Variants in PHACTR4 observed in about 807,000 individuals in gnomAD.
The protein encoded by PHACTR4 is phosphatase and actin regulator 4.
Under a neutral mutation model 72.7 loss-of-function variants are expected in PHACTR4, and 51 were observed. The observed-to-expected ratio is 0.70, with a 90% CI of 0.56 to 0.89. The LOEUF (loss-of-function observed/expected upper bound fraction) is 0.89. Ranked by LOEUF, PHACTR4 falls within the 40% of genes least tolerant of loss-of-function variation. The pLI is 0.00. For synonymous variants in PHACTR4, 255 were observed against 302.5 expected, an observed-to-expected ratio of 0.84 and a Z score of 1.63; for missense variants, 731 against 861.8, an observed-to-expected ratio of 0.85 and a Z score of 1.90.
rs747565007 is a variant in PHACTR4 at position 28,493,100 on chromosome 1, C to CA, written c.2093+13dup. 1 of 1,605,184 alleles carries CA rather than the reference C, an allele frequency of 6.2e-7. No homozygotes were observed. The highest frequency in any genetic ancestry group is 1.1e-5 in the South Asian group (1 of 90,876). On this transcript the variant is annotated intron_variant, in intron 13 of 13. Transcript: ENST00000373839. ...AGCAAACATTTTACACGGTAAGACC[C>CA]AAAAGACCCAATCATATATGTGCTA...
At chr1:28,438,497 G>T in intron 2 of PHACTR4, 1 of 1,550,106 alleles carries the variant, frequency 6.5e-7, no homozygotes, top group South Asian at 1.2e-5. Flanking sequence ...AGGTGAACTT[G>T]AGTATTTATG....
chr1:28,445,525 A>G (rs1364009781), intron 2 of PHACTR4, among the ~76,000 whole-genome samples: 1 of 150,534 alleles, frequency 6.6e-6, no homozygotes. Flanking sequence ...ACCCTAATTC[A>G]CTAATTAACT....
chr1:28,451,676 A>C (rs1569996242), intron 2 of PHACTR4, among the ~76,000 whole-genome samples: 1 of 146,432 alleles, frequency 6.8e-6, no homozygotes, highest in African/African-American at 2.5e-5. Flanking sequence ...ACAGGGTCTC[A>C]CTTGTTGCCC....
chr1:28,405,719 T>TC (rs1654275582), intron 1 of PHACTR4, among the ~76,000 whole-genome samples: 1 of 151,342 alleles, frequency 6.6e-6, no homozygotes, highest in Non-Finnish European at 1.5e-5. Flanking sequence ...GGTGAAACTC[T>TC]GTCTCTACTA....
At chr1:28,484,062 C>T (rs531104563) in intron 9 of PHACTR4, among the ~76,000 whole-genome samples, 35 of 152,174 alleles carry the variant, frequency 2.3e-4, no homozygotes, top group African/African-American at 7.5e-4. Flanking sequence ...GTGGCTCACA[C>T]CTGTAATCCC....
intron 2 of PHACTR4, among the ~76,000 whole-genome samples, chr1:28,436,497 T>C (rs138582565): frequency 6.6e-6 from 1 of 152,292 alleles, no homozygotes; most frequent in African/African-American, 2.4e-5. Context: ...CTAGTTTTCT[T>C]ACCTGAAAAT....
At chr1:28,438,040 C>CA (rs35716149) in intron 2 of PHACTR4, 215,809 of 662,632 alleles carry the variant, frequency 0.33, 38,002 homozygotes, top group African/African-American at 0.6. Flanking sequence ...AAGTCAGGAA[C>CA]GGGGGTGTGG....
chr1:28,491,825 TC>T, intron 12 of PHACTR4, 38 bp downstream of exon 12: 6 of 1,592,544 alleles, frequency 3.8e-6, no homozygotes, highest in Non-Finnish European at 5.1e-6. Context: ...TTTCTCTTTC[TC>T]TTTTTCTCTT....
chr1:28,407,075 C>G (rs1654387132), intron 1 of PHACTR4, among the ~76,000 whole-genome samples: 1 of 151,778 alleles, frequency 6.6e-6, no homozygotes, highest in South Asian at 2.1e-4. Context: ...CAAAAATTAG[C>G]CTTAAATGTT....
chr1:28,427,754 A>C (rs921775488), intron 2 of PHACTR4, among the ~76,000 whole-genome samples: 2 of 152,112 alleles, frequency 1.3e-5, no homozygotes, highest in Non-Finnish European at 2.9e-5. Flanking sequence ...TAATGGGAAG[A>C]GGGCAGGGAT....
At chr1:28,418,816 T>C (rs947200373) in intron 2 of PHACTR4, among the ~76,000 whole-genome samples, 2 of 151,454 alleles carry the variant, frequency 1.3e-5, no homozygotes, top group African/African-American at 4.9e-5. Flanking sequence ...CCGGGCATGA[T>C]GGTGTGCGCC....
intron 2 of PHACTR4, among the ~76,000 whole-genome samples, chr1:28,410,448 C>G (rs1170455447): frequency 1.3e-5 from 2 of 152,086 alleles, no homozygotes; most frequent in Non-Finnish European, 2.9e-5. Flanking sequence ...TGAGTGACCT[C>G]CTTGCTTCAC....
chr1:28,397,704 CT>C (rs201612295), intron 1 of PHACTR4, among the ~76,000 whole-genome samples: 40,437 of 136,246 alleles, frequency 0.3, 5,430 homozygotes, highest in African/African-American at 0.37. Context: ...ATAATTTTTG[CT>C]TTTTTTTTTT....
intron 2 of PHACTR4, among the ~76,000 whole-genome samples, chr1:28,451,910 G>A (rs1658006989): frequency 6.6e-6 from 1 of 151,994 alleles, no homozygotes; most frequent in African/African-American, 2.4e-5. Context: ...AGAGTGCTAG[G>A]ATTAAAAGCA....
At chr1:28,423,633 G>A (rs1429262622) in intron 2 of PHACTR4, among the ~76,000 whole-genome samples, 4 of 152,088 alleles carry the variant, frequency 2.6e-5, no homozygotes, top group Non-Finnish European at 5.9e-5. Context: ...AAAGAATGGA[G>A]ACTCAGATCC....
chr1:28,378,416 A>ATCCC (rs1399368925), intron 1 of PHACTR4, among the ~76,000 whole-genome samples: 1 of 150,342 alleles, frequency 6.7e-6, no homozygotes, highest in African/African-American at 2.4e-5. Context: ...AGGCAGGAGA[A>ATCCC]TCCCTGAACC....
At chr1:28,418,022 C>T (rs1655221215) in intron 2 of PHACTR4, among the ~76,000 whole-genome samples, 1 of 151,830 alleles carries the variant, frequency 6.6e-6, no homozygotes. Flanking sequence ...TCTATAGTCC[C>T]AGCTATTTGG....
chr1:28,439,991 C>T (rs1656884175), intron 2 of PHACTR4, among the ~76,000 whole-genome samples: 1 of 152,056 alleles, frequency 6.6e-6, no homozygotes, highest in Non-Finnish European at 1.5e-5. Flanking sequence ...CATCTAAGAT[C>T]TATATACTGT....
chr1:28,460,304 A>T lies in PHACTR4; in HGVS notation c.271+12A>T, dbSNP rs369243951. On this transcript the variant is annotated intron_variant, in intron 4 of 13. Coordinates refer to ENST00000373839, the MANE Select transcript of PHACTR4 (RefSeq NM_001048183.3). ...AGACCCTGAGCAAGGTGAGTTTACA[A>T]ATAAATAGCATATGCCTGTCTCTGT... 5.9e-5 allele frequency: 94 copies of T among 1,581,300 alleles called. No individual in the cohort carries two copies. The highest frequency in any genetic ancestry group is 8.0e-5 in the Non-Finnish European group (92 of 1,150,942).
Sources: gnomAD v4.1 joint callset for allele counts (sites outside exome capture counted in the v4.1 genomes callset) on GRCh38, gnomAD v4.1.1 for gene constraint, MANE v1.5 for transcripts, NCBI Gene and HGNC (gene_info 2026-07-23, HGNC 2026-07-21) for gene names.